Variants in KIF6 observed in about 807,000 individuals in gnomAD.
KIF6 encodes kinesin family member 6.
A neutral mutation model predicts 112.7 loss-of-function variants in KIF6; 106 were observed. That is an observed-to-expected ratio of 0.94 (90% CI 0.80 to 1.11). The LOEUF is 1.11. Ranked by LOEUF, KIF6 falls within the 50% of genes least tolerant of loss-of-function variation. The pLI is 0.00. For missense variants in KIF6, 929 were observed against 964.0 expected (o/e 0.96, Z 0.48); for synonymous variants, 339 against 339.9 (o/e 1.00, Z 0.03).
intron 22 of KIF6, among the ~76,000 whole-genome samples, chr6:39,337,176 T>TTTCTTTCTTTCTTTCC (rs1562102538): frequency 5.2e-4 from 32 of 61,620 alleles, no homozygotes; most frequent in African/African-American, 3.9e-3. Flanking sequence ...TCCTTCCTTC[T>TTTCTTTCTTTCTTTCC]TTCTTTCTTT....
Position 39,448,700 on chromosome 6 carries a change from T to G in KIF6, c.1646-17539A>C, listed in dbSNP as rs201776197. Among the ~76,000 whole-genome samples the G allele has an allele frequency of 1.7e-4, 26 of 152,028 alleles. No individual in the cohort carries two copies. The East Asian group carries it at 4.9e-3, about 29-fold the overall frequency. On this transcript the variant is annotated intron_variant, in intron 13 of 22. Transcript: ENST00000287152. Reference sequence around the variant, plus strand: ...AGATATTGTTTAGCTCTGGAGACTATTCTCTTTCAACAGGTGATTTCATTC... The same window carrying G: ...AGATATTGTTTAGCTCTGGAGACTAGTCTCTTTCAACAGGTGATTTCATTC...
At chr6:39,628,840 C>A (rs752512751) in intron 5 of KIF6, among the ~76,000 whole-genome samples, 1 of 151,960 alleles carries the variant, frequency 6.6e-6, no homozygotes, top group Non-Finnish European at 1.5e-5. Flanking sequence ...TTCTTCTACC[C>A]GTCCCCCTCA....
chr6:39,698,842 A>G (rs1403258943), intron 3 of KIF6, among the ~76,000 whole-genome samples: 1 of 152,234 alleles, frequency 6.6e-6, no homozygotes, highest in Non-Finnish European at 1.5e-5. Flanking sequence ...GCACACATTC[A>G]GTGCATGGCT....
intron 9 of KIF6, among the ~76,000 whole-genome samples, chr6:39,579,859 C>T (rs1295171072): frequency 2.6e-5 from 4 of 151,616 alleles, no homozygotes; most frequent in Non-Finnish European, 5.9e-5. Flanking sequence ...TGGTTAAACA[C>T]ATTTGTTTAT....
At chr6:39,686,863 C>A (rs559359651) in intron 3 of KIF6, among the ~76,000 whole-genome samples, 2 of 152,232 alleles carry the variant, frequency 1.3e-5, no homozygotes, top group South Asian at 2.1e-4. Context: ...CTAGTGTATA[C>A]CTGAGACTAG....
At chr6:39,541,734 C>A (rs182711722) in intron 12 of KIF6, among the ~76,000 whole-genome samples, 1 of 152,166 alleles carries the variant, frequency 6.6e-6, no homozygotes, top group Non-Finnish European at 1.5e-5. Flanking sequence ...GGTGACTGGG[C>A]AGCTGCTATA....
chr6:39,523,602 CCTCAGTGCTCTCTTCTTT>C, intron 13 of KIF6, among the ~76,000 whole-genome samples: 1 of 133,090 alleles, frequency 7.5e-6, no homozygotes, highest in Non-Finnish European at 1.5e-5. Flanking sequence ...GTTCCCTAGG[CCTCAGTGCTCTCTTCTTT>C]ACTTCCCTCC....
intron 3 of KIF6, among the ~76,000 whole-genome samples, chr6:39,688,419 A>G (rs1454676752): frequency 6.6e-6 from 1 of 152,190 alleles, no homozygotes; most frequent in African/African-American, 2.4e-5. Flanking sequence ...CCAAATATAT[A>G]TCGCTGTAAT....
chr6:39,680,457 T>TA (rs1457511903), intron 3 of KIF6, among the ~76,000 whole-genome samples: 1 of 152,206 alleles, frequency 6.6e-6, no homozygotes, highest in Non-Finnish European at 1.5e-5. Flanking sequence ...TCAAACAACT[T>TA]AGAGTTCAAT....
intron 13 of KIF6, among the ~76,000 whole-genome samples, chr6:39,434,660 A>G (rs1771403489): frequency 6.6e-6 from 1 of 152,146 alleles, no homozygotes; most frequent in African/African-American, 2.4e-5. Context: ...TGCTTGCTGT[A>G]GAGAGGTATG....
Position 39,342,711 on chromosome 6 carries a change from G to C in KIF6, c.2428+998C>G, listed in dbSNP as rs942988368. The stretch of plus-strand genomic sequence containing the variant: ...CTCAGGCTTAAGAAAGGACCTGACA[G>C]TGTTGCTGAGGCTGCTGGTCCTGGT... On this transcript the variant is annotated intron_variant, in intron 22 of 22. Coordinates refer to ENST00000287152, the MANE Select transcript of KIF6 (RefSeq NM_145027.6). This position sits in a 1 kb window ranked among gnomAD's most constrained non-coding sequence, Gnocchi z 4.7. The C allele has an allele frequency of 2.5e-5, 19 of 762,774 alleles. No individual in the cohort carries two copies. The highest frequency in any genetic ancestry group is 2.9e-5 in the Non-Finnish European group (18 of 627,804). 47.3% of individuals were successfully genotyped at this position (762,774 alleles called of 1,614,324 possible).
At chr6:39,705,213 A>T (rs1013350920) in intron 3 of KIF6, among the ~76,000 whole-genome samples, 10 of 152,196 alleles carry the variant, frequency 6.6e-5, no homozygotes, top group African/African-American at 2.2e-4. Context: ...GGGCTTGTTA[A>T]ACTACAGATA....
chr6:39,623,991 A>G (rs1783957891), intron 5 of KIF6, among the ~76,000 whole-genome samples: 1 of 152,160 alleles, frequency 6.6e-6, no homozygotes, highest in East Asian at 1.9e-4. Context: ...GCCATACGTC[A>G]GTAAAATTAG....
intron 3 of KIF6, among the ~76,000 whole-genome samples, chr6:39,642,484 C>T (rs1258858346): frequency 6.6e-6 from 1 of 152,072 alleles, no homozygotes; most frequent in Non-Finnish European, 1.5e-5. Flanking sequence ...CCTCAAAATG[C>T]CCCATCCTCA....
chr6:39,450,379 G>A lies in KIF6; in HGVS notation c.1646-19218C>T, dbSNP rs376979522. On this transcript the variant is annotated intron_variant, in intron 13 of 22. Transcript: ENST00000287152. The stretch of plus-strand genomic sequence containing the variant: ...GAGAGGGATATAGTCGATACGGAAG[G>A]CAAGTCCTAAAGATGTCAACCTCAT... 8.3e-4 allele frequency among the ~76,000 whole-genome samples: 126 copies of A among 152,324 alleles called. 1 individual carries two copies. The highest frequency in any genetic ancestry group is 2.9e-3 in the African/African-American group (119 of 41,570).
At chr6:39,386,681 G>T (rs564439177) in intron 15 of KIF6, among the ~76,000 whole-genome samples, 7 of 152,150 alleles carry the variant, frequency 4.6e-5, no homozygotes, top group African/African-American at 1.4e-4. Context: ...GAGAATTCCT[G>T]CCCTGGGTAG....
Position 39,584,886 on chromosome 6 carries a change from A to G in KIF6, c.1077+12T>C. 6.5e-7 allele frequency: 1 copy of G among 1,528,390 alleles called. No homozygotes were observed. Among genetic ancestry groups the G allele is most frequent in the Non-Finnish European group, 9.0e-7 (1 of 1,106,012 alleles). 94.7% of individuals were successfully genotyped at this position (1,528,390 alleles called of 1,614,324 possible). A position where few individuals can be genotyped will look rare whatever the true frequency, so the allele number is the denominator to read the frequency against. On this transcript the variant is annotated intron_variant, in intron 9 of 22. Transcript: ENST00000287152. ...TAATATATTTTTTAAAATATCGTTA[A>G]AAGTTGCTTACTAATCTGGGGTTAA...
At position 39,388,558 on chromosome 6, in the gene KIF6, A is replaced by C. The variant is rs1767611666; in HGVS notation, c.1811-2886T>G. Among the ~76,000 whole-genome samples the C allele has an allele frequency of 2.0e-5, 3 of 152,218 alleles. No individual in the cohort carries two copies. The South Asian group carries it at 6.2e-4, about 32-fold the overall frequency. ...AGTTTTTTTTTATTTCCCCCAAACAAGCTTCCAAAAATAGCCTTATGGCTG... is the reference window on the plus strand; with the variant it reads ...AGTTTTTTTTTATTTCCCCCAAACACGCTTCCAAAAATAGCCTTATGGCTG... On this transcript the variant is annotated intron_variant, in intron 15 of 22. Coordinates refer to ENST00000287152, the MANE Select transcript of KIF6 (RefSeq NM_145027.6).
intron 15 of KIF6, among the ~76,000 whole-genome samples, chr6:39,417,214 C>T (rs980056661): frequency 6.6e-6 from 1 of 152,180 alleles, no homozygotes; most frequent in African/African-American, 2.4e-5. Context: ...GTCGTGATGG[C>T]AGGCTACTCC....
Sources: gnomAD v4.1 joint callset for allele counts (sites outside exome capture counted in the v4.1 genomes callset) on GRCh38, gnomAD v4.1.1 for gene constraint, Gnocchi (gnomAD v3.1) non-coding constraint, MANE v1.5 for transcripts, NCBI Gene and HGNC (gene_info 2026-07-23, HGNC 2026-07-21) for gene names.